The following KCNH2 variants were observed in gnomAD, a reference collection of about 807,000 sequenced individuals.
KCNH2 encodes potassium voltage-gated channel subfamily H member 2.
KCNH2 carries 35 observed loss-of-function variants against 95.9 expected under a neutral mutation model. The ratio of observed to expected loss-of-function variants is 0.37; its 90% CI spans 0.28 to 0.48. KCNH2 has a LOEUF of 0.48. Ranked by LOEUF, KCNH2 falls within the 20% of genes least tolerant of loss-of-function variation. KCNH2 has a pLI of 0.99. For synonymous variants in KCNH2, 786 were observed against 754.7 expected, an observed-to-expected ratio of 1.04 and a Z score of -0.68; for missense variants, 1,274 against 1,702.9, an observed-to-expected ratio of 0.75 and a Z score of 4.43.
At chr7:150,957,908 T>C (rs1196637609) in intron 4 of KCNH2, 151 bp downstream of exon 4, 10 of 619,844 alleles carry the variant, frequency 1.6e-5, no homozygotes, top group South Asian at 9.8e-5. Flanking sequence ...ACAAGCCACT[T>C]AATGGAATTA....
At chr7:150,949,965 C>T (rs2116946543) in intron 9 of KCNH2, 4 of 1,545,468 alleles carry the variant, frequency 2.6e-6, no homozygotes, top group South Asian at 1.2e-5. Flanking sequence ...TGTGGGAACC[C>T]CAGAGTTCAG....
Position 150,955,437 on chromosome 7 carries a change from C to T in KCNH2, c.1128+1854G>A, listed in dbSNP as rs995080056. ...CTGGAGATGCGCACGGCCCGCCTCA[C>T]CCGGCCTTTCTGGGCCCTGGGCCGC... On this transcript the variant is annotated intron_variant, in intron 5 of 14. Transcript: ENST00000262186. 1 of 1,566,430 alleles carries T rather than the reference C, an allele frequency of 6.4e-7. No individual in the cohort carries two copies. The highest frequency in any genetic ancestry group is 2.4e-5 in the East Asian group (1 of 41,912).
chr7:150,950,198 G>C lies in KCNH2; in HGVS notation c.2368C>G (p.Leu790Val). The C allele has an allele frequency of 6.2e-7, 1 of 1,611,980 alleles. No homozygotes were observed. The highest frequency in any genetic ancestry group is 8.5e-7 in the Non-Finnish European group (1 of 1,179,476). The change falls in exon 9 of 15, where the codon CTG (leucine) becomes GTG (valine). Residue 790 changes from leucine (L) to valine (V), a missense_variant. Coordinates refer to ENST00000262186, the MANE Select transcript of KCNH2 (RefSeq NM_000238.4). ...ATGGCCACGACGACGTCGCCCCGCA[G>C]GATCTCGATGGAGCCCCGGGAGATG... ...YFISRGSIEI[L>V]RGDVVVAILG...
In KCNH2 at chr7:150,962,018, G is replaced by A. The variant is rs896545373; in HGVS notation, c.308-2282C>T. ...ATCCCAGACCCTCACAGCCCCGCCC[G>A]AGGGCCCTGAGCTCTGGGGCTCTGT... On this transcript the variant is annotated intron_variant, in intron 2 of 14. Transcript: ENST00000262186. This position sits in a 1 kb window ranked among gnomAD's most constrained non-coding sequence, Gnocchi z 5.7. Among the ~76,000 whole-genome samples the A allele has an allele frequency of 6.6e-5, 10 of 152,160 alleles. No homozygotes were observed. Among genetic ancestry groups the A allele is most frequent in the East Asian group, 1.9e-4 (1 of 5,184 alleles).
intron 1 of KCNH2, 88 bp downstream of exon 1, chr7:150,977,750 C>A: frequency 8.5e-7 from 1 of 1,170,788 alleles, no homozygotes; most frequent in Non-Finnish European, 1.2e-6. Flanking sequence ...CCGACGCACA[C>A]GGCCCGGGCA....
Position 150,974,867 on chromosome 7 carries a change from GC to G in KCNH2, c.150del (p.Glu50AspfsTer10). The G allele has an allele frequency of 6.2e-7, 1 of 1,611,796 alleles. No homozygotes were observed. Among genetic ancestry groups the G allele is most frequent in the Non-Finnish European group, 8.5e-7 (1 of 1,179,236 alleles). Reference protein sequence around the residue: ...AVIYCNDGFCELCGYSRAEVM... With the variant: ...AVIYCNDGFCXLCGYSRAEVM... The stretch of plus-strand genomic sequence containing the variant: ...ACCTCGGCCCGCGAGTAGCCGCACA[GC>G]TCGCAGAAGCCGTCGTTGCAGTAGA... On this transcript the variant is annotated frameshift_variant, in exon 2 of 15. Coordinates refer to ENST00000262186, the MANE Select transcript of KCNH2 (RefSeq NM_000238.4). LOFTEE classifies it high-confidence loss of function.
rs759245832 is a variant in KCNH2, at chr7:150,951,755, G to C, written c.1638C>G (p.Gly546=). The C allele has an allele frequency of 6.2e-7, 1 of 1,608,206 alleles. No homozygotes were observed. Among genetic ancestry groups the C allele is most frequent in the Non-Finnish European group, 8.5e-7 (1 of 1,175,190 alleles). The change falls in exon 7 of 15, where the codon GGC becomes GGG. Residue 546 remains glycine (G), a synonymous_variant. Coordinates refer to ENST00000262186, the MANE Select transcript of KCNH2 (RefSeq NM_000238.4). ...ACATGAGCAAGAACAGCACGGCCGC[G>C]CCGTACTCTGAGTAGCGATCCAGCT... The part of the protein sequence containing the change: ...ARKLDRYSEY[G]AAVLFLLMCT...
rs747102091 is a variant in KCNH2, at chr7:150,952,400, C to T, written c.1557+25G>A. 8 of 1,611,432 alleles carry T rather than the reference C, an allele frequency of 5.0e-6. No homozygotes were observed. Among genetic ancestry groups the T allele is most frequent in the African/African-American group, 1.3e-5 (1 of 74,854 alleles). ...ATTCCTGGCCTCTCCTCTCCCTACA[C>T]CACCTGCCTCCTTGCTGACCCCACC... On this transcript the variant is annotated intron_variant, in intron 6 of 14. Transcript: ENST00000262186. This position sits in a 1 kb window ranked among gnomAD's most constrained non-coding sequence, Gnocchi z 7.3.
rs1800995015 is a variant in KCNH2, at chr7:150,948,333, A to G, written c.2692+111T>C. On this transcript the variant is annotated intron_variant, in intron 11 of 14. Transcript: ENST00000262186. ...GGTGTGGAGTGGGCACACTGGAGGA[A>G]GGGATGGGAAGGTCTGAGGCCTGGG... 16 of 855,246 alleles carry G rather than the reference A, an allele frequency of 1.9e-5. No individual in the cohort carries two copies. The South Asian group carries it at 2.2e-4, about 12-fold the overall frequency. The allele number at this position is 855,246 out of a possible 1,614,324, so 53.0% of individuals were successfully genotyped here.
intron 2 of KCNH2, among the ~76,000 whole-genome samples, chr7:150,967,457 T>C (rs1251952880): frequency 6.6e-6 from 1 of 152,158 alleles, no homozygotes; most frequent in East Asian, 1.9e-4. Context: ...TAAATAAATA[T>C]TTGGAACAGA....
intron 5 of KCNH2, among the ~76,000 whole-genome samples, chr7:150,955,041 C>T (rs1472943078): frequency 2.0e-5 from 3 of 152,360 alleles, no homozygotes; most frequent in East Asian, 1.9e-4. Context: ...TGTCGCCTGC[C>T]GGCTTCTCCT....
intron 2 of KCNH2, among the ~76,000 whole-genome samples, chr7:150,964,347 T>C (rs540606784): frequency 6.6e-6 from 1 of 152,082 alleles, no homozygotes; most frequent in South Asian, 2.1e-4. Flanking sequence ...GCCTGGCACC[T>C]GCCCCCAGTG....
chr7:150,960,586 C>T (rs1320334066), intron 2 of KCNH2, among the ~76,000 whole-genome samples: 1 of 152,224 alleles, frequency 6.6e-6, no homozygotes, highest in African/African-American at 2.4e-5. Flanking sequence ...GGCATCACCA[C>T]AAAATCCACG....
chr7:150,951,569 C>T lies in KCNH2; in HGVS notation c.1824G>A (p.Lys608=), dbSNP rs1413887234. Residue 608 remains lysine, a synonymous_variant, in exon 7 of 15, where the codon AAG becomes AAA. Coordinates refer to ENST00000262186, the MANE Select transcript of KCNH2 (RefSeq NM_000238.4). The stretch of plus-strand genomic sequence containing the variant: ...AGTAGAGCGCCGTCACATACTTGTC[C>T]TTGATGGAGGGGCCGCCCAGGCCGC... ...NSSGLGGPSI[K]DKYVTALYFT... 4 of 1,614,242 alleles carry T rather than the reference C, an allele frequency of 2.5e-6. No homozygotes were observed. The highest frequency in any genetic ancestry group is 3.4e-6 in the Non-Finnish European group (4 of 1,180,044).
intron 2 of KCNH2, among the ~76,000 whole-genome samples, chr7:150,964,198 G>C (rs1272734686): frequency 2.0e-5 from 3 of 152,222 alleles, no homozygotes; most frequent in Non-Finnish European, 4.4e-5. Flanking sequence ...GGCACCTTCT[G>C]GGGTCAGAGT....
At chr7:150,950,077 C>T (rs1457616755) in intron 9 of KCNH2, 91 bp downstream of exon 9, 1 of 1,613,224 alleles carries the variant, frequency 6.2e-7, no homozygotes, top group African/African-American at 1.3e-5. Context: ...GTCCCAGGTC[C>T]ACAGCCCCAG....
intron 2 of KCNH2, among the ~76,000 whole-genome samples, chr7:150,967,645 T>C (rs964601955): frequency 2.6e-5 from 4 of 152,250 alleles, no homozygotes; most frequent in Admixed American, 6.5e-5. Flanking sequence ...AGTCTCAGGA[T>C]AGATTATAGA....
At chr7:150,969,130 T>C (rs1242013245) in intron 2 of KCNH2, among the ~76,000 whole-genome samples, 1 of 152,106 alleles carries the variant, frequency 6.6e-6, no homozygotes, top group Non-Finnish European at 1.5e-5. Flanking sequence ...GCTGGTGCAG[T>C]GGCATTCCAC....
chr7:150,955,472 G>A, intron 5 of KCNH2: 1 of 1,556,774 alleles, frequency 6.4e-7, no homozygotes, highest in Non-Finnish European at 8.7e-7. Flanking sequence ...CAGAGCCCCT[G>A]TCCTGCTCGC....
Sources: allele counts gnomAD v4.1 joint callset (sites outside exome capture counted in the v4.1 genomes callset), GRCh38; gene constraint gnomAD v4.1.1; non-coding constraint Gnocchi (gnomAD v3.1); transcripts MANE v1.5; gene names NCBI Gene and HGNC (gene_info 2026-07-23, HGNC 2026-07-21).